ASCC3: variants seen among roughly 807,000 people sequenced by gnomAD.
ASCC3 encodes the protein activating signal cointegrator 1 complex subunit 3.
Under a neutral mutation model 256.3 loss-of-function variants are expected in ASCC3, and 158 were observed. The observed-to-expected ratio is 0.62, with a 90% confidence interval of 0.54 to 0.70. The LOEUF (loss-of-function observed/expected upper bound fraction) is 0.70. Ranked by LOEUF, ASCC3 falls within the 30% of genes least tolerant of loss-of-function variation. The pLI, the probability that ASCC3 is intolerant of heterozygous loss-of-function variation, is 0.00. For synonymous variants in ASCC3, 948 were observed against 883.4 expected (o/e 1.07, Z -1.30); for missense variants, 2,259 against 2,626.0 (o/e 0.86, Z 3.05).
Position 100,646,644 on chromosome 6 carries a change from T to C in ASCC3, c.3604A>G (p.Ile1202Val). The part of the protein sequence containing the change: ...TRTVLRVTLS[I>V]YADFTWNDQV... ...TCATTCCAAGTGAAATCAGCATAGA[T>C]GCTGAGTGTCACTCGGAGGACAGTC... The change falls in exon 22 of 42, where the codon ATC becomes GTC. Residue 1202 changes from isoleucine (I) to valine (V), a missense_variant. By Grantham distance (29) the Ile-to-Val change is conservative (BLOSUM62 3). Around this residue, in one of 2 missense-constraint regions of ASCC3, gnomAD observed 1,839 missense variants for 2,206.7 expected, o/e 0.83. Transcript: ENST00000369162. 2 of 1,614,116 alleles carry C rather than the reference T, an allele frequency of 1.2e-6. No homozygotes were observed. The highest frequency in any genetic ancestry group is 1.7e-6 in the Non-Finnish European group (2 of 1,179,988).
rs540429149 is a variant in ASCC3, at chr6:100,609,673, G to A, written c.4786-2585C>T. Among the ~76,000 whole-genome samples the A allele has an allele frequency of 1.8e-4, 27 of 152,262 alleles. No homozygotes were observed. In the East Asian group the frequency reaches 5.0e-3, roughly 28 times the overall value. ...AATCCCAGCACTTTGGGAGGCCAAG[G>A]TGGGTGGATCATGTAAGGTTTGAGG... On this transcript the variant is annotated intron_variant, in intron 30 of 41. Coordinates refer to ENST00000369162, the MANE Select transcript of ASCC3 (RefSeq NM_006828.4).
intron 4 of ASCC3, among the ~76,000 whole-genome samples, chr6:100,834,024 C>T (rs969780939): frequency 1.3e-5 from 2 of 152,138 alleles, no homozygotes; most frequent in African/African-American, 4.8e-5. Flanking sequence ...CGAGACAGCA[C>T]CACTACACCC....
chr6:100,741,985 T>C (rs1780456376), intron 10 of ASCC3, among the ~76,000 whole-genome samples: 1 of 152,220 alleles, frequency 6.6e-6, no homozygotes, highest in Non-Finnish European at 1.5e-5. Flanking sequence ...TGGTTCTTTC[T>C]CATCTTTGCG....
At chr6:100,687,735 G>A (rs1053059519) in intron 13 of ASCC3, among the ~76,000 whole-genome samples, 1 of 152,000 alleles carries the variant, frequency 6.6e-6, no homozygotes, top group African/African-American at 2.4e-5. Flanking sequence ...AAAACTTGTG[G>A]TCTAAGTGAT....
At chr6:100,685,555 T>C (rs535043414) in intron 13 of ASCC3, among the ~76,000 whole-genome samples, 1 of 152,328 alleles carries the variant, frequency 6.6e-6, no homozygotes, top group South Asian at 2.1e-4. Flanking sequence ...CAAGTTAAAA[T>C]AGGAGAATCC....
chr6:100,651,106 TCA>T (rs969620075), intron 19 of ASCC3, among the ~76,000 whole-genome samples: 1 of 151,438 alleles, frequency 6.6e-6, no homozygotes, highest in African/African-American at 2.4e-5. Flanking sequence ...TTCATTATAG[TCA>T]TATATTTTTA....
chr6:100,855,079 T>C (rs189604542), intron 3 of ASCC3, among the ~76,000 whole-genome samples: 1 of 151,938 alleles, frequency 6.6e-6, no homozygotes, highest in African/African-American at 2.4e-5. Context: ...AAAACTAATC[T>C]ACTAATAAAC....
chr6:100,665,150 T>TTGA (rs1390849151), intron 14 of ASCC3, among the ~76,000 whole-genome samples: 7 of 152,140 alleles, frequency 4.6e-5, no homozygotes, highest in African/African-American at 1.7e-4. Context: ...TACCTCCCAC[T>TTGA]TGATCACATG....
At chr6:100,607,294 T>G (rs925377853) in intron 30 of ASCC3, among the ~76,000 whole-genome samples, 1 of 152,092 alleles carries the variant, frequency 6.6e-6, no homozygotes, top group Non-Finnish European at 1.5e-5. Context: ...CACTAAAGTT[T>G]AAATGTTATC....
At chr6:100,878,884 C>G (rs1314218182) in intron 1 of ASCC3, among the ~76,000 whole-genome samples, 1 of 152,182 alleles carries the variant, frequency 6.6e-6, no homozygotes, top group Non-Finnish European at 1.5e-5. Flanking sequence ...TGAGTGTTCT[C>G]CAATTCATTT....
intron 8 of ASCC3, among the ~76,000 whole-genome samples, chr6:100,791,311 T>A (rs372090006): frequency 2.0e-5 from 3 of 151,866 alleles, no homozygotes; most frequent in East Asian, 3.9e-4. Flanking sequence ...TAAATAATAC[T>A]CCAACACATA....
In ASCC3 at chr6:100,629,000, T is replaced by C. The variant is rs772608189; in HGVS notation, c.4375+15A>G. The C allele has an allele frequency of 1.2e-6, 2 of 1,609,434 alleles. No individual in the cohort carries two copies. Among genetic ancestry groups the C allele is most frequent in the East Asian group, 4.5e-5 (2 of 44,778 alleles). ...TTAAAGTTTGTAAACTGGCTTTAGA[T>C]ACAGTGGTACCTACCAAGCAGATGG... On this transcript the variant is annotated intron_variant, in intron 27 of 41. Coordinates refer to ENST00000369162, the MANE Select transcript of ASCC3 (RefSeq NM_006828.4).
intron 10 of ASCC3, among the ~76,000 whole-genome samples, chr6:100,735,129 T>C (rs1562260115): frequency 2.0e-5 from 3 of 152,266 alleles, no homozygotes; most frequent in Admixed American, 6.5e-5. Flanking sequence ...AGGAGCATGA[T>C]AGAAAGGGCA....
At chr6:100,726,232 T>C (rs1174147192) in intron 10 of ASCC3, among the ~76,000 whole-genome samples, 2 of 151,940 alleles carry the variant, frequency 1.3e-5, no homozygotes, top group African/African-American at 4.8e-5. Context: ...CATGCCCATA[T>C]GTTGTAAAAC....
intron 30 of ASCC3, among the ~76,000 whole-genome samples, chr6:100,621,755 T>C (rs1030972540): frequency 6.6e-6 from 1 of 152,180 alleles, no homozygotes; most frequent in Admixed American, 6.6e-5. Context: ...CCCAAAGGAA[T>C]AGAAATCGTT....
At chr6:100,810,354 G>C (rs1357998808) in intron 4 of ASCC3, among the ~76,000 whole-genome samples, 1 of 152,008 alleles carries the variant, frequency 6.6e-6, no homozygotes, top group Non-Finnish European at 1.5e-5. Flanking sequence ...TATGTTTTAT[G>C]GCAGTTAAAC....
intron 37 of ASCC3, among the ~76,000 whole-genome samples, chr6:100,532,117 C>G (rs1774906928): frequency 6.6e-6 from 1 of 151,210 alleles, no homozygotes; most frequent in South Asian, 2.1e-4. Context: ...AATATAGGTA[C>G]TGCTCTTTCA....
intron 37 of ASCC3, among the ~76,000 whole-genome samples, chr6:100,532,392 ATATATATATATATAT>A (rs1195823619): frequency 1.0e-3 from 40 of 39,242 alleles, no homozygotes; most frequent in Non-Finnish European, 1.6e-3. Context: ...ATATATATAT[ATATATATATATATAT>A]TTTTTTTTTT....
intron 15 of ASCC3, 144 bp downstream of exon 15, chr6:100,662,201 T>C (rs1776256478): frequency 9.1e-7 from 1 of 1,104,832 alleles, no homozygotes; most frequent in African/African-American, 1.6e-5. Flanking sequence ...AGATTCTTAT[T>C]GGAGAAAATA....
Sources: gnomAD v4.1 joint callset for allele counts (sites outside exome capture counted in the v4.1 genomes callset) on GRCh38, gnomAD v4.1.1 for gene constraint, gnomAD v4.1.1 regional missense constraint, MANE v1.5 for transcripts, NCBI Gene and HGNC (gene_info 2026-07-23, HGNC 2026-07-21) for gene names.